Variants in HEPH observed in about 807,000 individuals in gnomAD.
HEPH encodes the protein hephaestin.
Under a neutral mutation model 80.8 loss-of-function variants are expected in HEPH, and 69 were observed. The observed-to-expected ratio is 0.85, with a 90% confidence interval of 0.70 to 1.04. The LOEUF (loss-of-function observed/expected upper bound fraction) is 1.04, where lower values mean the gene tolerates loss of function less well. Among genes scored for constraint, HEPH ranks in the 50% least tolerant of loss-of-function variants. The pLI, the probability that HEPH is intolerant of heterozygous loss-of-function variation, is 0.00. For missense variants in HEPH, 1,115 were observed against 891.3 expected (o/e 1.25, Z -3.20); for synonymous variants, 431 against 322.8 (o/e 1.34, Z -3.60).
At chrX:66,266,350 G>T in intron 20 of HEPH, 90 bp from the exon 21 acceptor site, 2 of 643,946 alleles carry the variant, frequency 3.1e-6, no homozygotes, top group South Asian at 2.8e-5. Flanking sequence ...TATTTGGATT[G>T]ACTTGTTTTT....
upstream of HEPH, chrX:66,162,827 C>T (rs1431423824): frequency 5.2e-6 from 6 of 1,155,589 alleles, no homozygotes; most frequent in Non-Finnish European, 6.9e-6. Context: ...ATGTGCCCAG[C>T]CTGCCTGGAG....
intron 15 of HEPH, among the ~76,000 whole-genome samples, chrX:66,213,989 T>A (rs185549395): frequency 2.8e-3 from 317 of 112,344 alleles, no homozygotes; most frequent in African/African-American, 0.01. Context: ...TGGGCAGGAT[T>A]ACAGTTTCTT....
intron 15 of HEPH, among the ~76,000 whole-genome samples, chrX:66,249,074 G>A (rs7055870): frequency 0.068 from 7,517 of 111,315 alleles, 601 homozygotes; most frequent in African/African-American, 0.23. Flanking sequence ...ACTTTTCTGA[G>A]AAATGGAATA....
chrX:66,235,854 C>A (rs750267391), intron 15 of HEPH, among the ~76,000 whole-genome samples: 1 of 111,375 alleles, frequency 9.0e-6, no homozygotes, highest in Admixed American at 9.6e-5. Flanking sequence ...TGTATAATCT[C>A]TGATTTCTTT....
intron 15 of HEPH, among the ~76,000 whole-genome samples, chrX:66,240,220 G>A (rs2090518042): frequency 9.0e-6 from 1 of 111,363 alleles, no homozygotes; most frequent in Non-Finnish European, 1.9e-5. Flanking sequence ...TCTCTTTATT[G>A]GCCTTATCAG....
intron 15 of HEPH, among the ~76,000 whole-genome samples, chrX:66,254,733 AC>A (rs2091114779): frequency 2.0e-5 from 2 of 102,037 alleles, no homozygotes; most frequent in South Asian, 1.0e-3. Flanking sequence ...AAAGCAGAGC[AC>A]CCCACCCCAC....
intron 5 of HEPH, 115 bp downstream of exon 5, chrX:66,188,656 G>A (rs1199120805): frequency 6.9e-6 from 4 of 577,466 alleles, no homozygotes; most frequent in Non-Finnish European, 1.1e-5. Context: ...TCATCACGAG[G>A]GCAAGGAGTA....
chrX:66,256,371 T>A, intron 17 of HEPH, 41 bp downstream of exon 17: 1 of 984,696 alleles, frequency 1.0e-6, no homozygotes. Context: ...AAGCAGTCCC[T>A]ACTGGTTACA....
intron 1 of HEPH, chrX:66,169,891 A>G (rs1257836468): frequency 1.8e-5 from 2 of 111,862 alleles, no homozygotes; most frequent in East Asian, 5.6e-4. Context: ...AAATGAAATC[A>G]TACAATATGT....
At chrX:66,199,150 G>C in intron 11 of HEPH, 122 bp downstream of exon 11, 1 of 699,036 alleles carries the variant, frequency 1.4e-6, no homozygotes, top group Non-Finnish European at 2.2e-6. Flanking sequence ...CAAGAGGCGA[G>C]CTAGATTGAG....
At chrX:66,202,944 C>T (rs1252072888) in intron 12 of HEPH, among the ~76,000 whole-genome samples, 3 of 97,286 alleles carry the variant, frequency 3.1e-5, no homozygotes, top group Admixed American at 1.2e-4. Context: ...TATATACACA[C>T]ACACACACAC....
chrX:66,214,957 GTATGT>G (rs1445800212), intron 15 of HEPH, among the ~76,000 whole-genome samples: 3 of 111,275 alleles, frequency 2.7e-5, no homozygotes, highest in African/African-American at 9.8e-5. Context: ...TTACTTAGGT[GTATGT>G]TATTTTTCCA....
intron 4 of HEPH, among the ~76,000 whole-genome samples, chrX:66,178,040 A>G (rs752674802): frequency 5.6e-4 from 62 of 111,450 alleles, no homozygotes; most frequent in African/African-American, 1.9e-3. Context: ...GGTGTGCTGC[A>G]CCCATTAACT....
intron 20 of HEPH, 75 bp downstream of exon 20, chrX:66,263,763 G>A (rs912663451): frequency 4.1e-6 from 4 of 980,903 alleles, no homozygotes; most frequent in Non-Finnish European, 5.8e-6. Context: ...AGTACCTTTA[G>A]GGTATGGGAC....
intron 15 of HEPH, among the ~76,000 whole-genome samples, chrX:66,229,545 C>T (rs1438513495): frequency 9.0e-6 from 1 of 111,475 alleles, no homozygotes; most frequent in Non-Finnish European, 1.9e-5. Flanking sequence ...CAGAAATCAC[C>T]ACTAAAGAAC....
In HEPH at chrX:66,174,961, A is replaced by G. The variant is rs771805746; in HGVS notation, c.625+1160A>G. Among the ~76,000 whole-genome samples the G allele has an allele frequency of 2.7e-5, 3 of 111,142 alleles. No individual in the cohort carries two copies. The South Asian group carries it at 1.1e-3, about 42-fold the overall frequency. Reference sequence around the variant, plus strand: ...GATTGTGAAGATTTTTTCCCACTCTATGGGTTGTCTGTTTACTCTGTTGAC... The same window carrying G: ...GATTGTGAAGATTTTTTCCCACTCTGTGGGTTGTCTGTTTACTCTGTTGAC... On this transcript the variant is annotated intron_variant, in intron 4 of 20. Coordinates refer to ENST00000343002, the MANE Select transcript of HEPH (RefSeq NM_001367233.3).
chrX:66,231,531 T>G (rs1206349505), intron 15 of HEPH, among the ~76,000 whole-genome samples: 1 of 110,479 alleles, frequency 9.1e-6, no homozygotes, highest in Non-Finnish European at 1.9e-5. Context: ...TTTATTTTCT[T>G]TGAAGCAATT....
At chrX:66,226,044 G>C (rs969593612) in intron 15 of HEPH, among the ~76,000 whole-genome samples, 1 of 111,289 alleles carries the variant, frequency 9.0e-6, no homozygotes, top group African/African-American at 3.3e-5. Flanking sequence ...GGGGGTATGT[G>C]ACTGGGGGCT....
chrX:66,178,854 C>T lies in HEPH; in HGVS notation c.625+5053C>T, dbSNP rs750470690. Among the ~76,000 whole-genome samples, 3 of 111,899 alleles carry T rather than the reference C, an allele frequency of 2.7e-5. No homozygotes were observed. In the South Asian group the frequency reaches 1.1e-3, roughly 41 times the overall value. ...TAGATTCTGGATATTATCCCTTTGT[C>T]AGATGAGTAGATTGCAAAAATTTTT... On this transcript the variant is annotated intron_variant, in intron 4 of 20. Transcript: ENST00000343002.
Sources: gnomAD v4.1 joint callset for allele counts (sites outside exome capture counted in the v4.1 genomes callset) on GRCh38, gnomAD v4.1.1 for gene constraint, MANE v1.5 for transcripts, NCBI Gene and HGNC (gene_info 2026-07-23, HGNC 2026-07-21) for gene names.